MTX2: variants seen among roughly 807,000 people sequenced by gnomAD.
MTX2 encodes the protein metaxin-2.
Under a neutral mutation model 42.3 loss-of-function variants are expected in MTX2, and 35 were observed. The ratio of observed to expected loss-of-function variants is 0.83; its 90% CI spans 0.63 to 1.10. The LOEUF is 1.10. Among genes scored for constraint, MTX2 ranks in the 50% least tolerant of loss-of-function variants. The probability of loss-of-function intolerance (pLI) is 0.00; values close to 1 mark genes in which losing one functional copy is unlikely to be tolerated. For missense variants in MTX2, 307 were observed against 304.1 expected, an observed-to-expected ratio of 1.01 and a Z score of -0.07; for synonymous variants, 119 against 100.9, an observed-to-expected ratio of 1.18 and a Z score of -1.08.
chr2:176,321,646 T>C (rs915660441), intron 3 of MTX2, among the ~76,000 whole-genome samples: 1 of 152,170 alleles, frequency 6.6e-6, no homozygotes, highest in Non-Finnish European at 1.5e-5. Context: ...AGCCATCCTT[T>C]TTACATTCTA....
chr2:176,314,677 T>G lies in MTX2; in HGVS notation c.136-8715T>G, dbSNP rs534558155. Reference sequence around the variant, plus strand: ...TTAATTATAAGACCTGCTTGTTTACTTTTGACGTCCTGAAGATTGGGCCAT... The same window carrying G: ...TTAATTATAAGACCTGCTTGTTTACGTTTGACGTCCTGAAGATTGGGCCAT... On this transcript the variant is annotated intron_variant, in intron 3 of 9. Coordinates refer to ENST00000249442, the MANE Select transcript of MTX2 (RefSeq NM_006554.5). Among the ~76,000 whole-genome samples, 3 of 152,302 alleles carry G rather than the reference T, an allele frequency of 2.0e-5. No homozygotes were observed. The South Asian group carries it at 6.2e-4, about 32-fold the overall frequency.
chr2:176,290,359 A>AT (rs1294824570), intron 1 of MTX2, among the ~76,000 whole-genome samples: 1 of 152,098 alleles, frequency 6.6e-6, no homozygotes, highest in Admixed American at 6.6e-5. Context: ...AAAAAGGATG[A>AT]TTTTATCAGA....
At chr2:176,274,461 A>G (rs1187352265) in intron 1 of MTX2, among the ~76,000 whole-genome samples, 1 of 152,202 alleles carries the variant, frequency 6.6e-6, no homozygotes, top group Non-Finnish European at 1.5e-5. Flanking sequence ...TTACTTAAGT[A>G]GTATTACTCG....
intron 1 of MTX2, among the ~76,000 whole-genome samples, chr2:176,273,638 T>A (rs1275077512): frequency 6.6e-6 from 1 of 152,194 alleles, no homozygotes; most frequent in Non-Finnish European, 1.5e-5. Context: ...TTAGAAGTCT[T>A]CTCTGAACTC....
In MTX2 at chr2:176,337,797, G is replaced by A. The variant is rs1195667136; in HGVS notation, c.*133G>A. On this transcript the variant is annotated 3_prime_UTR_variant, in exon 10 of 10. Transcript: ENST00000249442. Reference sequence around the variant, plus strand: ...CCTCAAATTATATAATGTATCTTATGTATGTGCTTTATATTGTTATTTGTG... The same window carrying A: ...CCTCAAATTATATAATGTATCTTATATATGTGCTTTATATTGTTATTTGTG... The A allele has an allele frequency of 4.1e-6, 3 of 726,788 alleles. No homozygotes were observed. The highest frequency in any genetic ancestry group is 6.6e-6 in the Non-Finnish European group (3 of 457,196). The allele number at this position is 726,788 out of a possible 1,614,324, so 45.0% of individuals were successfully genotyped here.
chr2:176,325,753 T>G (rs571868828), intron 4 of MTX2, among the ~76,000 whole-genome samples: 1 of 151,772 alleles, frequency 6.6e-6, no homozygotes, highest in Non-Finnish European at 1.5e-5. Context: ...GCCTAATGCT[T>G]AACCAGATAA....
intron 3 of MTX2, among the ~76,000 whole-genome samples, chr2:176,308,351 G>C (rs1684207491): frequency 6.6e-6 from 1 of 152,148 alleles, no homozygotes; most frequent in Non-Finnish European, 1.5e-5. Flanking sequence ...AGTAATGTTG[G>C]TCTAAAATTC....
intron 3 of MTX2, among the ~76,000 whole-genome samples, chr2:176,312,759 A>G (rs1254764811): frequency 1.4e-5 from 2 of 147,770 alleles, no homozygotes; most frequent in East Asian, 4.2e-4. Context: ...GCTACTCGTG[A>G]GGCTGAGGTG....
intron 1 of MTX2, 65 bp from the exon 2 acceptor site, chr2:176,296,795 A>T (rs1163634016): frequency 2.2e-5 from 33 of 1,505,886 alleles, no homozygotes; most frequent in Non-Finnish European, 2.9e-5. Context: ...CATGCTTATT[A>T]ATTTGGTTTG....
chr2:176,301,241 G>T (rs1446587072), intron 3 of MTX2, among the ~76,000 whole-genome samples: 1 of 152,000 alleles, frequency 6.6e-6, no homozygotes, highest in Non-Finnish European at 1.5e-5. Context: ...TCCTTCCCAT[G>T]ACCCTAGTGC....
chr2:176,330,650 T>G lies in MTX2; in HGVS notation c.610T>G (p.Phe204Val). 6.3e-7 allele frequency: 1 copy of G among 1,588,488 alleles called. No homozygotes were observed. Among genetic ancestry groups the G allele is most frequent in the Non-Finnish European group, 8.6e-7 (1 of 1,163,548 alleles). ...SQRLGTQPYF[F>V]NKQPTELDAL... ...AAGACTGGGAACACAACCGTATTTCTTCAATAAGCAGTAAGAAATTTTACT... is the reference window on the plus strand; with the variant it reads ...AAGACTGGGAACACAACCGTATTTCGTCAATAAGCAGTAAGAAATTTTACT... The change falls in exon 9 of 10, where the codon TTC (phenylalanine) becomes GTC (valine). Residue 204 changes from phenylalanine to valine, a missense_variant. Coordinates refer to ENST00000249442, the MANE Select transcript of MTX2 (RefSeq NM_006554.5).
intron 3 of MTX2, among the ~76,000 whole-genome samples, chr2:176,305,380 T>G (rs1017097584): frequency 6.6e-6 from 1 of 152,106 alleles, no homozygotes; most frequent in Non-Finnish European, 1.5e-5. Context: ...TTTCGTTTTC[T>G]CCCCAACTGT....
chr2:176,294,802 A>C (rs1364160691), intron 1 of MTX2, among the ~76,000 whole-genome samples: 2 of 152,190 alleles, frequency 1.3e-5, no homozygotes, highest in African/African-American at 4.8e-5. Context: ...AAACATCAGA[A>C]TCACCAATTT....
chr2:176,286,605 A>G (rs1465588868), intron 1 of MTX2, among the ~76,000 whole-genome samples: 5 of 150,316 alleles, frequency 3.3e-5, no homozygotes, highest in East Asian at 3.9e-4. Context: ...GCTGGAGTGC[A>G]GTGGCATGAT....
chr2:176,279,948 T>C (rs1373038056), intron 1 of MTX2, among the ~76,000 whole-genome samples: 1 of 152,246 alleles, frequency 6.6e-6, no homozygotes, highest in Non-Finnish European at 1.5e-5. Flanking sequence ...TTTACTGTTT[T>C]AGATTATCTT....
At position 176,330,618 on chromosome 2, in the gene MTX2, T is replaced by G. The variant is rs1238425820; in HGVS notation, c.578T>G (p.Leu193Arg). ...LEDVDQCCQA[L>R]SQRLGTQPYF... ...GATGTAGACCAGTGCTGTCAAGCTC[T>G]CTCTCAAAGACTGGGAACACAACCG... Residue 193 changes from leucine (L) to arginine (R), a missense_variant, in exon 9 of 10, where the codon CTC (leucine) becomes CGC (arginine). By Grantham distance (102) the Leu-to-Arg change is moderately radical (BLOSUM62 -2). Coordinates refer to ENST00000249442, the MANE Select transcript of MTX2 (RefSeq NM_006554.5). 3 of 1,595,426 alleles carry G rather than the reference T, an allele frequency of 1.9e-6. No individual in the cohort carries two copies. The highest frequency in any genetic ancestry group is 1.7e-5 in the Admixed American group (1 of 59,554).
chr2:176,284,521 CTT>C (rs1693151282), intron 1 of MTX2, among the ~76,000 whole-genome samples: 1 of 152,184 alleles, frequency 6.6e-6, no homozygotes. Context: ...TAATTACTAA[CTT>C]ATTTTTACTT....
intron 1 of MTX2, among the ~76,000 whole-genome samples, chr2:176,294,442 C>T (rs1256361940): frequency 1.3e-5 from 2 of 152,094 alleles, no homozygotes; most frequent in Non-Finnish European, 2.9e-5. Flanking sequence ...AGCCACCACG[C>T]CCGGCTAATT....
intron 3 of MTX2, among the ~76,000 whole-genome samples, chr2:176,311,494 A>G (rs567400705): frequency 6.6e-5 from 10 of 152,344 alleles, no homozygotes; most frequent in African/African-American, 1.4e-4. Flanking sequence ...TTATTCAGCT[A>G]TGCCCTGCCC....
Sources: allele counts gnomAD v4.1 joint callset (sites outside exome capture counted in the v4.1 genomes callset), GRCh38; gene constraint gnomAD v4.1.1; transcripts MANE v1.5; gene names NCBI Gene and HGNC (gene_info 2026-07-23, HGNC 2026-07-21).